Variants in LVRN observed in about 807,000 individuals in gnomAD.
LVRN encodes aminopeptidase Q.
In LVRN, 99 loss-of-function variants were observed where a neutral mutation model predicts 111.4. That is an observed-to-expected ratio of 0.89 (90% confidence interval 0.76 to 1.05). LVRN has a LOEUF of 1.05. LVRN is among the 50% of genes least tolerant of loss of function. The pLI, the probability that LVRN is intolerant of heterozygous loss-of-function variation, is 0.00. For missense variants in LVRN, 1,414 were observed against 1,206.8 expected (o/e 1.17, Z -2.54); for synonymous variants, 488 against 449.5 (o/e 1.09, Z -1.08).
At chr5:115,979,395 C>T (rs1753515667) in intron 1 of LVRN, among the ~76,000 whole-genome samples, 1 of 152,088 alleles carries the variant, frequency 6.6e-6, no homozygotes. Context: ...GTTGCCCCTC[C>T]TCCCAACTCC....
chr5:116,019,553 C>T (rs1748670482), intron 18 of LVRN, among the ~76,000 whole-genome samples: 1 of 152,196 alleles, frequency 6.6e-6, no homozygotes, highest in Admixed American at 6.5e-5. Flanking sequence ...TTCCCTCTGC[C>T]CATAGTCAGT....
At chr5:115,966,611 G>A (rs991027792) in intron 1 of LVRN, among the ~76,000 whole-genome samples, 1 of 152,202 alleles carries the variant, frequency 6.6e-6, no homozygotes, top group African/African-American at 2.4e-5. Context: ...GCCTCCCAAA[G>A]CACTTGTACA....
chr5:115,981,805 T>C (rs557025338), intron 1 of LVRN, among the ~76,000 whole-genome samples: 1 of 152,192 alleles, frequency 6.6e-6, no homozygotes, highest in Non-Finnish European at 1.5e-5. Context: ...TATCCCTCTT[T>C]GAGTTCTTCT....
chr5:116,007,749 G>C (rs1357038571), intron 13 of LVRN, among the ~76,000 whole-genome samples: 1 of 152,172 alleles, frequency 6.6e-6, no homozygotes, highest in Admixed American at 6.5e-5. Context: ...TGATAACTCT[G>C]AGTCAAGCAA....
chr5:115,999,389 A>C (rs1340802680), intron 6 of LVRN, among the ~76,000 whole-genome samples: 2 of 152,194 alleles, frequency 1.3e-5, no homozygotes, highest in African/African-American at 4.8e-5. Context: ...GAGACTGATT[A>C]ATTTTAAGGA....
At chr5:116,024,572 A>G (rs946287248) in intron 19 of LVRN, among the ~76,000 whole-genome samples, 2 of 152,192 alleles carry the variant, frequency 1.3e-5, no homozygotes, top group African/African-American at 4.8e-5. Flanking sequence ...ACATGCTGGT[A>G]CAAAAGCTCC....
chr5:116,003,187 A>T lies in LVRN; in HGVS notation c.1898-54A>T, dbSNP rs73783046. On this transcript the variant is annotated intron_variant, in intron 11 of 19. Coordinates refer to ENST00000357872, the MANE Select transcript of LVRN (RefSeq NM_173800.5). ...AATCGAGTGTGTAGTATTAATAGGT[A>T]TTAAGATCTTTTTTAAATGTACCAT... 3.7e-3 allele frequency: 5,468 copies of T among 1,459,548 alleles called. 179 individuals carry two copies. In the African/African-American group the frequency reaches 0.068, roughly 18 times the overall value. 90.4% of individuals were successfully genotyped at this position (1,459,548 alleles called of 1,614,324 possible). A position where few individuals can be genotyped will look rare whatever the true frequency, so the allele number is the denominator to read the frequency against.
At chr5:116,022,364 CT>C (rs1748747208) in intron 18 of LVRN, 26 bp from the exon 19 acceptor site, 2 of 1,529,344 alleles carry the variant, frequency 1.3e-6, no homozygotes, top group African/African-American at 1.4e-5. Flanking sequence ...GCTTTCCACC[CT>C]TGATTAACAT....
intron 18 of LVRN, 27 bp downstream of exon 18, chr5:116,015,792 T>C: frequency 6.2e-7 from 1 of 1,610,448 alleles, no homozygotes; most frequent in Non-Finnish European, 8.5e-7. Context: ...GACCTTTCTT[T>C]CATTTAGGCC....
chr5:116,017,606 G>A (rs1380033211), intron 18 of LVRN, among the ~76,000 whole-genome samples: 2 of 152,150 alleles, frequency 1.3e-5, no homozygotes, highest in African/African-American at 4.8e-5. Flanking sequence ...TAAGGCAATA[G>A]AATCTAGAAT....
intron 10 of LVRN, among the ~76,000 whole-genome samples, chr5:116,001,783 T>C (rs1335485876): frequency 1.3e-5 from 2 of 152,192 alleles, no homozygotes; most frequent in African/African-American, 2.4e-5. Context: ...GGTTCAAATA[T>C]TGACTTCTCA....
chr5:116,003,026 T>C, intron 11 of LVRN, 115 bp downstream of exon 11: 1 of 1,012,364 alleles, frequency 9.9e-7, no homozygotes, highest in South Asian at 1.7e-5. Flanking sequence ...AAAATATCAT[T>C]CTTGTAGAGC....
chr5:116,023,530 A>G (rs1748800623), intron 19 of LVRN: 1 of 152,084 alleles, frequency 6.6e-6, no homozygotes, highest in Non-Finnish European at 1.5e-5. Context: ...AAGATGGAAT[A>G]CTCTAATTGG....
intron 1 of LVRN, among the ~76,000 whole-genome samples, chr5:115,966,372 A>G (rs1255067687): frequency 1.3e-5 from 2 of 152,192 alleles, no homozygotes; most frequent in Admixed American, 6.5e-5. Context: ...AGTATGCATC[A>G]ATAGTTTGAG....
At chr5:116,008,219 C>T (rs1227081315) in intron 13 of LVRN, among the ~76,000 whole-genome samples, 4 of 152,082 alleles carry the variant, frequency 2.6e-5, no homozygotes, top group Non-Finnish European at 5.9e-5. Flanking sequence ...TGGTGGGCAC[C>T]TGTAATCCCA....
At chr5:116,010,633 A>G (rs1182564342) in intron 13 of LVRN, 108 bp from the exon 14 acceptor site, 1 of 1,158,070 alleles carries the variant, frequency 8.6e-7, no homozygotes, top group Non-Finnish European at 1.3e-6. Context: ...TGACTTATTC[A>G]CATGCCTTAT....
intron 1 of LVRN, among the ~76,000 whole-genome samples, chr5:115,973,760 C>T (rs557437761): frequency 6.6e-6 from 1 of 152,074 alleles, no homozygotes; most frequent in African/African-American, 2.4e-5. Flanking sequence ...ACCTTTTATT[C>T]CTGATATTGG....
At chr5:116,004,203 A>C (rs1748307839) in intron 12 of LVRN, among the ~76,000 whole-genome samples, 1 of 152,236 alleles carries the variant, frequency 6.6e-6, no homozygotes, top group East Asian at 1.9e-4. Flanking sequence ...ACAAAACATC[A>C]ATAGTCCAAT....
At chr5:115,992,005 G>A in intron 4 of LVRN, 118 bp from the exon 5 acceptor site, 1 of 952,772 alleles carries the variant, frequency 1.0e-6, no homozygotes, top group Non-Finnish European at 1.5e-6. Context: ...TCTCCGTTCA[G>A]GTTATAAATA....
Sources: allele counts gnomAD v4.1 joint callset (sites outside exome capture counted in the v4.1 genomes callset), GRCh38; gene constraint gnomAD v4.1.1; transcripts MANE v1.5; gene names NCBI Gene and HGNC (gene_info 2026-07-23, HGNC 2026-07-21).